CLUL1: variants seen among roughly 807,000 people sequenced by gnomAD.
The protein encoded by CLUL1 is clusterin-like protein 1.
Under a neutral mutation model 49.4 loss-of-function variants are expected in CLUL1, and 43 were observed. That is an observed-to-expected ratio of 0.87 (90% CI 0.68 to 1.12). The LOEUF (loss-of-function observed/expected upper bound fraction) is 1.12, where lower values mean the gene tolerates loss of function less well. Among genes scored for constraint, CLUL1 ranks in the 50% most tolerant of loss-of-function variants. The pLI is 0.00. For missense variants in CLUL1, 486 were observed against 544.4 expected (o/e 0.89, Z 1.07); for synonymous variants, 192 against 184.9 (o/e 1.04, Z -0.31).
At chr18:626,872 AAAG>A (rs1408879911) in intron 5 of CLUL1, among the ~76,000 whole-genome samples, 4 of 268 alleles carry the variant, frequency 0.015, no homozygotes, top group Non-Finnish European at 0.069. Flanking sequence ...AATAAGAAAG[AAAG>A]AAAGAAAGAA....
At chr18:646,291 G>A (rs2074505111) in intron 9 of CLUL1, among the ~76,000 whole-genome samples, 1 of 151,644 alleles carries the variant, frequency 6.6e-6, no homozygotes, top group African/African-American at 2.4e-5. Flanking sequence ...AGCCAGATGT[G>A]ACAGGATTTG....
chr18:615,617 A>G (rs1598416362), intron 2 of CLUL1, among the ~76,000 whole-genome samples: 1 of 152,178 alleles, frequency 6.6e-6, no homozygotes, highest in Non-Finnish European at 1.5e-5. Context: ...TGAGAAAAAT[A>G]CCCAAAGTGC....
intron 2 of CLUL1, among the ~76,000 whole-genome samples, chr18:609,138 C>T (rs551093360): frequency 3.2e-4 from 49 of 152,214 alleles, no homozygotes; most frequent in African/African-American, 1.1e-3. Context: ...ACCTTATACA[C>T]GTAGCCTGAA....
chr18:625,302 T>C (rs2073649898), intron 5 of CLUL1, among the ~76,000 whole-genome samples: 2 of 152,150 alleles, frequency 1.3e-5, no homozygotes, highest in East Asian at 1.9e-4. Context: ...ATGTTCCCAC[T>C]AGATAGTAAG....
chr18:645,674 G>C (rs2074454000), intron 9 of CLUL1, among the ~76,000 whole-genome samples: 1 of 148,600 alleles, frequency 6.7e-6, no homozygotes, highest in East Asian at 2.0e-4. Flanking sequence ...GGCGCCTGTA[G>C]TCCCAGCTAC....
intron 2 of CLUL1, among the ~76,000 whole-genome samples, chr18:613,510 A>G (rs1333685355): frequency 6.7e-6 from 1 of 149,698 alleles, no homozygotes; most frequent in East Asian, 2.0e-4. Context: ...GCTGGAGTGC[A>G]GTGACGCTAT....
chr18:603,326 TAC>T (rs1430142112), intron 1 of CLUL1, among the ~76,000 whole-genome samples: 1 of 151,976 alleles, frequency 6.6e-6, no homozygotes, highest in African/African-American at 2.4e-5. Context: ...GCATGGAAGA[TAC>T]ATTTGAGACA....
Position 627,244 on chromosome 18 carries a change from GTGAATTCTCTCTTTAA to G in CLUL1, c.572_587del (p.Val191AlafsTer28). On this transcript the variant is annotated frameshift_variant, in exon 6 of 10. Coordinates refer to ENST00000692774, the MANE Select transcript of CLUL1 (RefSeq NM_001393344.1). LOFTEE classifies it high-confidence loss of function. ...TGTGTTCAGCCAGTTGACTGTGGATGTGAATTCTCTCTTTAACAGGAGTTTTAACGTCTTCAGACAG... is the reference window on the plus strand; with the variant it reads ...TGTGTTCAGCCAGTTGACTGTGGATGCAGGAGTTTTAACGTCTTCAGACAG... The G allele has an allele frequency of 1.9e-6, 3 of 1,614,016 alleles. No homozygotes were observed. The highest frequency in any genetic ancestry group is 1.7e-6 in the Non-Finnish European group (2 of 1,180,008).
chr18:598,413 G>T, intron 1 of CLUL1: 1 of 395,944 alleles, frequency 2.5e-6, no homozygotes, highest in South Asian at 1.4e-4. Flanking sequence ...TCTGAATTTA[G>T]ACGCTTTGTG....
chr18:616,859 A>G (rs967532481), intron 2 of CLUL1: 26 of 173,310 alleles, frequency 1.5e-4, no homozygotes, highest in Non-Finnish European at 2.7e-4. Context: ...TGATAACTGC[A>G]TAATTACTAG....
At chr18:601,306 C>T (rs968981754) in intron 1 of CLUL1, among the ~76,000 whole-genome samples, 2 of 152,084 alleles carry the variant, frequency 1.3e-5, no homozygotes, top group Non-Finnish European at 2.9e-5. Flanking sequence ...TCAAAATGAA[C>T]CTTTCCAGTG....
At chr18:621,043 C>T (rs952314174) in intron 4 of CLUL1, among the ~76,000 whole-genome samples, 2 of 152,072 alleles carry the variant, frequency 1.3e-5, no homozygotes, top group African/African-American at 4.8e-5. Flanking sequence ...AATTTACCAT[C>T]ATAACCATTT....
chr18:630,169 A>C (rs1307760731), intron 6 of CLUL1, among the ~76,000 whole-genome samples: 3 of 151,804 alleles, frequency 2.0e-5, no homozygotes, highest in African/African-American at 7.3e-5. Flanking sequence ...AGTGCAGTGG[A>C]ATGATCTTGG....
At chr18:624,585 A>T (rs1397203005) in intron 4 of CLUL1, among the ~76,000 whole-genome samples, 1 of 152,322 alleles carries the variant, frequency 6.6e-6, no homozygotes, top group East Asian at 1.9e-4. Flanking sequence ...GGTCACCCAC[A>T]CCTAGAGTAA....
At chr18:619,404 AC>A in intron 4 of CLUL1, 43 bp downstream of exon 4, 1 of 1,542,994 alleles carries the variant, frequency 6.5e-7, no homozygotes, top group Non-Finnish European at 8.8e-7. Flanking sequence ...ACAGATCTGG[AC>A]CAGAAATACT....
In CLUL1 at chr18:650,123, T is replaced by C. The variant is rs2074636170; in HGVS notation, c.*222T>C. 1.0e-5 allele frequency: 4 copies of C among 388,878 alleles called. No homozygotes were observed. The South Asian group carries it at 1.9e-4, about 18-fold the overall frequency. The allele number at this position is 388,878 out of a possible 1,614,324, so 24.1% of individuals were successfully genotyped here. A position where few individuals can be genotyped will look rare whatever the true frequency, so the allele number is the denominator to read the frequency against. The stretch of plus-strand genomic sequence containing the variant: ...CCTCCTTAAAAAATCAAACGTAATA[T>C]GTATTACATTTCATGGTACATTAGT... On this transcript the variant is annotated 3_prime_UTR_variant, in exon 10 of 10. Coordinates refer to ENST00000692774, the MANE Select transcript of CLUL1 (RefSeq NM_001393344.1).
intron 1 of CLUL1, among the ~76,000 whole-genome samples, chr18:599,675 G>C (rs568608): frequency 0.18 from 26,915 of 152,088 alleles, 2,527 homozygotes; most frequent in Middle Eastern, 0.31. Flanking sequence ...GTTCACGCCT[G>C]TAATCCCAGC....
Position 641,487 on chromosome 18 carries a change from G to T in CLUL1, c.1155G>T (p.Val385=). The T allele has an allele frequency of 6.2e-7, 1 of 1,614,210 alleles. No individual in the cohort carries two copies. The highest frequency in any genetic ancestry group is 8.5e-7 in the Non-Finnish European group (1 of 1,180,034). Residue 385 remains valine (V), a synonymous_variant, in exon 8 of 10, where the codon GTG becomes GTT. Transcript: ENST00000692774. ...VEKMRGQFGW[V]SELANQAPET... The stretch of plus-strand genomic sequence containing the variant: ...AGATGAGAGGGCAATTTGGCTGGGT[G>T]TCTGAACTGGCAAACCAGGCCCCAG...
intron 1 of CLUL1, among the ~76,000 whole-genome samples, chr18:600,741 G>A (rs576335262): frequency 1.3e-5 from 2 of 152,324 alleles, no homozygotes; most frequent in African/African-American, 4.8e-5. Context: ...GATAATCAGT[G>A]AAGTCACCAG....
Sources: allele counts gnomAD v4.1 joint callset (sites outside exome capture counted in the v4.1 genomes callset), GRCh38; gene constraint gnomAD v4.1.1; transcripts MANE v1.5; gene names NCBI Gene and HGNC (gene_info 2026-07-23, HGNC 2026-07-21).